Variants in DLGAP2 observed in about 807,000 individuals in gnomAD.
DLGAP2 encodes DLG associated protein 2, also known as disks large-associated protein 2.
DLGAP2 carries 26 observed loss-of-function variants against 100.3 expected under a neutral mutation model. That is an observed-to-expected ratio of 0.26 (90% confidence interval 0.19 to 0.36). The LOEUF (loss-of-function observed/expected upper bound fraction) is 0.36, where lower values mean the gene tolerates loss of function less well. Ranked by LOEUF, DLGAP2 falls within the 10% of genes least tolerant of loss-of-function variation. The pLI, the probability that DLGAP2 is intolerant of heterozygous loss-of-function variation, is 1.00. For synonymous variants in DLGAP2, 886 were observed against 630.1 expected, an observed-to-expected ratio of 1.41 and a Z score of -6.08; for missense variants, 1,858 against 1,453.2, an observed-to-expected ratio of 1.28 and a Z score of -4.53.
chr8:806,628 TC>T (rs1796275721), intron 1 of DLGAP2, among the ~76,000 whole-genome samples: 1 of 152,102 alleles, frequency 6.6e-6, no homozygotes, highest in Admixed American at 6.5e-5. Flanking sequence ...GCTCCTGGGG[TC>T]CCTGCTGACC....
At chr8:854,041 G>C (rs1018658135) in intron 1 of DLGAP2, among the ~76,000 whole-genome samples, 4 of 152,192 alleles carry the variant, frequency 2.6e-5, no homozygotes, top group African/African-American at 9.7e-5. Flanking sequence ...GACCAGGAAA[G>C]AGGCCCTCGG....
intron 3 of DLGAP2, among the ~76,000 whole-genome samples, chr8:1,494,689 T>C (rs909203259): frequency 6.6e-6 from 1 of 151,508 alleles, no homozygotes; most frequent in South Asian, 2.1e-4. Context: ...GATTGTGCCA[T>C]TGCACTCCAG....
At chr8:824,574 C>T (rs6559191) in intron 1 of DLGAP2, among the ~76,000 whole-genome samples, 1 of 151,356 alleles carries the variant, frequency 6.6e-6, no homozygotes, top group African/African-American at 2.4e-5. Context: ...ACCTGTGTTC[C>T]CCTTGTCCTG....
At chr8:916,926 G>C (rs1451459350) in intron 2 of DLGAP2, among the ~76,000 whole-genome samples, 1 of 152,214 alleles carries the variant, frequency 6.6e-6, no homozygotes, top group Non-Finnish European at 1.5e-5. Context: ...GGCACACCCA[G>C]GGCTCAGCCT....
chr8:1,065,109 G>A (rs149065497), intron 2 of DLGAP2, among the ~76,000 whole-genome samples: 90 of 152,236 alleles, frequency 5.9e-4, no homozygotes, highest in African/African-American at 2.0e-3. Context: ...GCACCAGGGC[G>A]CCTGCCTTTA....
chr8:907,024 C>T (rs1004460209), intron 1 of DLGAP2, among the ~76,000 whole-genome samples: 1 of 152,124 alleles, frequency 6.6e-6, no homozygotes, highest in African/African-American at 2.4e-5. Flanking sequence ...TCATCCATTG[C>T]ATTTATGAGA....
intron 3 of DLGAP2, among the ~76,000 whole-genome samples, chr8:1,326,557 G>C (rs1032512130): frequency 5.3e-5 from 8 of 151,454 alleles, no homozygotes; most frequent in African/African-American, 1.2e-4. Context: ...GACATGGCAC[G>C]CACTCGGTCT....
intron 6 of DLGAP2, among the ~76,000 whole-genome samples, chr8:1,566,289 C>T (rs1802398015): frequency 1.3e-5 from 2 of 152,238 alleles, no homozygotes; most frequent in Middle Eastern, 3.4e-3. Context: ...TTGACTATAA[C>T]TTTGTAAGTG....
At chr8:1,636,737 G>A (rs1039414717) in intron 8 of DLGAP2, among the ~76,000 whole-genome samples, 1 of 152,172 alleles carries the variant, frequency 6.6e-6, no homozygotes, top group Non-Finnish European at 1.5e-5. Flanking sequence ...CTGATACCAG[G>A]ACCTGGTACC....
intron 5 of DLGAP2, among the ~76,000 whole-genome samples, chr8:1,562,652 G>GC (rs1802216442): frequency 9.9e-5 from 6 of 60,558 alleles, no homozygotes; most frequent in Admixed American, 2.0e-4. Flanking sequence ...CCTCGTTGCT[G>GC]GGGGACTGTG....
intron 2 of DLGAP2, among the ~76,000 whole-genome samples, chr8:1,155,942 G>T (rs2129052057): frequency 6.6e-6 from 1 of 152,316 alleles, no homozygotes; most frequent in Admixed American, 6.5e-5. Context: ...GCTCGGGGAG[G>T]CTGGGTGGGC....
In DLGAP2 at chr8:1,033,373, T is replaced by G. The variant is rs558565567; in HGVS notation, c.73+125407T>G. 5.9e-5 allele frequency among the ~76,000 whole-genome samples: 9 copies of G among 152,280 alleles called. No homozygotes were observed. The East Asian group carries it at 1.4e-3, about 23-fold the overall frequency. ...AATGGGATGAATGAAGAATAAAGGC[T>G]TAGCTGGGGGTTGGGGGTGGTGGTG... On this transcript the variant is annotated intron_variant, in intron 2 of 14. Transcript: ENST00000637795.
chr8:1,245,912 G>A (rs935998067), intron 2 of DLGAP2, among the ~76,000 whole-genome samples: 17 of 152,156 alleles, frequency 1.1e-4, no homozygotes, highest in African/African-American at 1.4e-4. Flanking sequence ...CAGTATGACC[G>A]CCGTGGGGAG....
chr8:1,151,629 A>G (rs982424546), intron 2 of DLGAP2, among the ~76,000 whole-genome samples: 5 of 152,218 alleles, frequency 3.3e-5, no homozygotes, highest in African/African-American at 4.8e-5. Flanking sequence ...GGCTTTAGGT[A>G]GAAAGGAGGA....
chr8:1,163,406 A>G (rs1023836599), intron 2 of DLGAP2, among the ~76,000 whole-genome samples: 4 of 152,178 alleles, frequency 2.6e-5, no homozygotes, highest in African/African-American at 9.6e-5. Context: ...GGGCGGCCCC[A>G]CGCTGGGCGA....
At chr8:1,537,281 G>T (rs182796093) in intron 4 of DLGAP2, among the ~76,000 whole-genome samples, 48 of 152,332 alleles carry the variant, frequency 3.2e-4, no homozygotes, top group African/African-American at 9.4e-4. Context: ...TCATGCATGT[G>T]TGGTTACACA....
rs576270864 is a variant in DLGAP2 at position 1,124,323 on chromosome 8, C to A, written c.74-134528C>A. Among the ~76,000 whole-genome samples the A allele has an allele frequency of 2.0e-5, 3 of 152,304 alleles. No homozygotes were observed. The East Asian group carries it at 5.8e-4, about 29-fold the overall frequency. ...GTTTCTGCTTCCAGAAGGGTTTCCA[C>A]TTCCAGAAGGGTTACCTGTGGCCCA... On this transcript the variant is annotated intron_variant, in intron 2 of 14. Transcript: ENST00000637795.
intron 1 of DLGAP2, among the ~76,000 whole-genome samples, chr8:848,998 A>T (rs982176960): frequency 2.0e-4 from 30 of 147,704 alleles, no homozygotes; most frequent in South Asian, 1.1e-3. Context: ...CCAGCATAGG[A>T]TCGTGAGGTG....
intron 2 of DLGAP2, among the ~76,000 whole-genome samples, chr8:1,076,072 A>C (rs1472356250): frequency 6.6e-6 from 1 of 152,178 alleles, no homozygotes; most frequent in Non-Finnish European, 1.5e-5. Context: ...AGCAAAAGGT[A>C]GGAGGATTTT....
Sources: allele counts gnomAD v4.1 joint callset (sites outside exome capture counted in the v4.1 genomes callset), GRCh38; gene constraint gnomAD v4.1.1; transcripts MANE v1.5; gene names NCBI Gene and HGNC (gene_info 2026-07-23, HGNC 2026-07-21).